CPQ: variants seen among roughly 807,000 people sequenced by gnomAD.
CPQ encodes carboxypeptidase Q.
Under a neutral mutation model 45.7 loss-of-function variants are expected in CPQ, and 37 were observed. The observed-to-expected ratio is 0.81, with a 90% confidence interval of 0.62 to 1.07. CPQ has a LOEUF of 1.07. CPQ is among the 50% of genes least tolerant of loss of function. The pLI, the probability that CPQ is intolerant of heterozygous loss-of-function variation, is 0.00. For missense variants in CPQ, 537 were observed against 572.9 expected, an observed-to-expected ratio of 0.94 and a Z score of 0.64; for synonymous variants, 186 against 205.8, an observed-to-expected ratio of 0.90 and a Z score of 0.82.
chr8:96,856,479 G>A (rs546638714), intron 3 of CPQ, among the ~76,000 whole-genome samples: 2 of 152,298 alleles, frequency 1.3e-5, no homozygotes, highest in South Asian at 2.1e-4. Flanking sequence ...GTTTATTTGT[G>A]TACTTCTTTA....
At chr8:96,658,325 A>G (rs1815660743) in intron 1 of CPQ, among the ~76,000 whole-genome samples, 2 of 152,250 alleles carry the variant, frequency 1.3e-5, no homozygotes, top group African/African-American at 4.8e-5. Flanking sequence ...CTTAATGGTT[A>G]AGAACATGGG....
chr8:96,769,914 G>T (rs993646943), intron 1 of CPQ, among the ~76,000 whole-genome samples: 1 of 152,076 alleles, frequency 6.6e-6, no homozygotes, highest in Non-Finnish European at 1.5e-5. Flanking sequence ...TAGGTCAAAA[G>T]CAAGTTACAT....
chr8:97,072,510 C>T (rs1586526817), intron 7 of CPQ, among the ~76,000 whole-genome samples: 2 of 152,066 alleles, frequency 1.3e-5, no homozygotes, highest in Admixed American at 6.6e-5. Flanking sequence ...AAAAAGAAAT[C>T]GGGGCATCCA....
At chr8:96,838,236 A>G (rs1338526425) in intron 3 of CPQ, among the ~76,000 whole-genome samples, 1 of 152,156 alleles carries the variant, frequency 6.6e-6, no homozygotes, top group African/African-American at 2.4e-5. Flanking sequence ...AACTGTTGTA[A>G]CAAACAGCTT....
chr8:96,981,703 G>A (rs1372074051), intron 5 of CPQ, among the ~76,000 whole-genome samples: 1 of 152,150 alleles, frequency 6.6e-6, no homozygotes, highest in Non-Finnish European at 1.5e-5. Context: ...TAAAGCAGAG[G>A]TTTTTGGTAA....
intron 7 of CPQ, among the ~76,000 whole-genome samples, chr8:97,133,966 T>C (rs1427461951): frequency 6.6e-6 from 1 of 152,230 alleles, no homozygotes; most frequent in Non-Finnish European, 1.5e-5. Context: ...TTCTACATAA[T>C]AGTGTTTGGA....
At chr8:97,078,902 A>G (rs1810900663) in intron 7 of CPQ, among the ~76,000 whole-genome samples, 1 of 151,364 alleles carries the variant, frequency 6.6e-6, no homozygotes, top group Admixed American at 6.6e-5. Context: ...TGCTCAAGCA[A>G]TCTTCCCACC....
chr8:97,084,675 G>A (rs11998215), intron 7 of CPQ, among the ~76,000 whole-genome samples: 14,781 of 152,138 alleles, frequency 0.097, 1,040 homozygotes, highest in African/African-American at 0.2. Flanking sequence ...ACAGGCCCTC[G>A]GGGACATTTA....
intron 5 of CPQ, among the ~76,000 whole-genome samples, chr8:96,968,521 A>C (rs1050801479): frequency 6.6e-6 from 1 of 152,234 alleles, no homozygotes; most frequent in African/African-American, 2.4e-5. Flanking sequence ...TAGGTTCATA[A>C]TTATATTACT....
At chr8:97,115,651 G>A (rs1019120546) in intron 7 of CPQ, among the ~76,000 whole-genome samples, 2 of 152,110 alleles carry the variant, frequency 1.3e-5, no homozygotes, top group African/African-American at 2.4e-5. Flanking sequence ...ATTTCCTTTG[G>A]GCATGGCTGT....
In CPQ at chr8:96,652,108, C is replaced by G. The variant is rs138410754; in HGVS notation, c.-35+6706C>G. Reference sequence around the variant, plus strand: ...CTCTTGTTTAATTGAAACTTTGAACCCTTTGGCATTCCCCATTTTCCCCAA... The same window carrying G: ...CTCTTGTTTAATTGAAACTTTGAACGCTTTGGCATTCCCCATTTTCCCCAA... On this transcript the variant is annotated intron_variant, in intron 1 of 7. Coordinates refer to ENST00000220763, the MANE Select transcript of CPQ (RefSeq NM_016134.4). 1.7e-3 allele frequency among the ~76,000 whole-genome samples: 256 copies of G among 152,204 alleles called. 1 individual carries two copies. The highest frequency in any genetic ancestry group is 5.6e-3 in the African/African-American group (234 of 41,526).
chr8:96,908,400 T>C (rs1252108579), intron 4 of CPQ, among the ~76,000 whole-genome samples: 1 of 152,092 alleles, frequency 6.6e-6, no homozygotes, highest in East Asian at 1.9e-4. Context: ...GAGGTTGGCA[T>C]GTGACAGAGA....
chr8:96,979,658 A>C (rs1813853739), intron 5 of CPQ, among the ~76,000 whole-genome samples: 1 of 152,152 alleles, frequency 6.6e-6, no homozygotes, highest in African/African-American at 2.4e-5. Context: ...TCGGACCTTT[A>C]TGGTTAACTG....
rs1334699168 is a variant in CPQ at position 97,034,060 on chromosome 8, T to C, written c.1053+4566T>C. Among the ~76,000 whole-genome samples, 3 of 152,140 alleles carry C rather than the reference T, an allele frequency of 2.0e-5. No individual in the cohort carries two copies. In the East Asian group the frequency reaches 5.8e-4, roughly 29 times the overall value. ...TCAATTATTATAATACGTGCTAGAA[T>C]TTACTAAATTTACTAAACAATTTAT... is the stretch of plus-strand genomic sequence containing the variant. On this transcript the variant is annotated intron_variant, in intron 6 of 7. Coordinates refer to ENST00000220763, the MANE Select transcript of CPQ (RefSeq NM_016134.4).
At chr8:97,123,182 A>AAT (rs1563587345) in intron 7 of CPQ, among the ~76,000 whole-genome samples, 43 of 120,776 alleles carry the variant, frequency 3.6e-4, no homozygotes, top group African/African-American at 1.0e-3. Context: ...TAAAATATAA[A>AAT]ATAAAATAAA....
At position 96,653,857 on chromosome 8, in the gene CPQ, G is replaced by A. The variant is rs775180495; in HGVS notation, c.-35+8455G>A. Among the ~76,000 whole-genome samples the A allele has an allele frequency of 3.6e-4, 55 of 152,272 alleles. 1 individual carries two copies. The highest frequency in any genetic ancestry group is 6.5e-4 in the Admixed American group (10 of 15,306). On this transcript the variant is annotated intron_variant, in intron 1 of 7. Transcript: ENST00000220763. ...TGGAAGAAGCGAGGAGGTGAAAGGC[G>A]AGGGAGGAGAGGCAGGCCCACTTGG... is the stretch of plus-strand genomic sequence containing the variant.
At chr8:96,668,288 T>TA (rs1415093559) in intron 1 of CPQ, among the ~76,000 whole-genome samples, 7 of 152,218 alleles carry the variant, frequency 4.6e-5, no homozygotes, top group African/African-American at 1.7e-4. Context: ...CAAGTTACCA[T>TA]AATATATGTC....
At chr8:97,141,066 A>G (rs1812151614) in intron 7 of CPQ, among the ~76,000 whole-genome samples, 1 of 152,108 alleles carries the variant, frequency 6.6e-6, no homozygotes, top group African/African-American at 2.4e-5. Flanking sequence ...GAACTTAAAA[A>G]TGAAAATAAA....
At chr8:97,136,166 A>T (rs1260142632) in intron 7 of CPQ, among the ~76,000 whole-genome samples, 1 of 151,538 alleles carries the variant, frequency 6.6e-6, no homozygotes, top group Non-Finnish European at 1.5e-5. Context: ...GTTTTCTGTG[A>T]GATGAGTGTT....
Sources: allele counts gnomAD v4.1 joint callset (sites outside exome capture counted in the v4.1 genomes callset), GRCh38; gene constraint gnomAD v4.1.1; transcripts MANE v1.5; gene names NCBI Gene and HGNC (gene_info 2026-07-23, HGNC 2026-07-21).